The following CBLN2 variants were observed in gnomAD, a reference collection of about 807,000 sequenced individuals.
The protein encoded by CBLN2 is cerebellin-2.
CBLN2 carries 7 observed loss-of-function variants against 15.0 expected under a neutral mutation model. That is an observed-to-expected ratio of 0.47 (90% CI 0.27 to 0.88). The LOEUF (loss-of-function observed/expected upper bound fraction) is 0.88. Among genes scored for constraint, CBLN2 ranks in the 40% least tolerant of loss-of-function variants. CBLN2 has a pLI of 0.14. For missense variants in CBLN2, 242 were observed against 304.5 expected, an observed-to-expected ratio of 0.79 and a Z score of 1.53; for synonymous variants, 149 against 135.2, an observed-to-expected ratio of 1.10 and a Z score of -0.71.
intron 1 of CBLN2, among the ~76,000 whole-genome samples, chr18:72,601,396 G>C (rs2069546834): frequency 2.0e-5 from 3 of 151,920 alleles, no homozygotes; most frequent in Admixed American, 2.0e-4. Context: ...GAAAGGTTGA[G>C]GGTAGAGGGA....
chr18:72,635,327 G>T (rs1331321054), intron 1 of CBLN2, among the ~76,000 whole-genome samples: 1 of 152,080 alleles, frequency 6.6e-6, no homozygotes, highest in Non-Finnish European at 1.5e-5. Flanking sequence ...AGTGATGAAT[G>T]CAAAATGGAA....
chr18:72,584,821 G>A (rs1393517558), intron 1 of CBLN2, among the ~76,000 whole-genome samples: 1 of 152,196 alleles, frequency 6.6e-6, no homozygotes, highest in Non-Finnish European at 1.5e-5. Context: ...ACCTCTGTGG[G>A]CAGTGGCATC....
chr18:72,599,441 A>G (rs2069533745), intron 1 of CBLN2, among the ~76,000 whole-genome samples: 1 of 152,218 alleles, frequency 6.6e-6, no homozygotes, highest in Non-Finnish European at 1.5e-5. Context: ...ACATGAAAAT[A>G]AATGTGTATA....
At position 72,537,744 on chromosome 18, in the gene CBLN2, T is replaced by C. The variant is rs918207159; in HGVS notation, c.*432A>G. On this transcript the variant is annotated 3_prime_UTR_variant, in exon 5 of 5. Coordinates refer to ENST00000269503, the MANE Select transcript of CBLN2 (RefSeq NM_182511.4). The stretch of plus-strand genomic sequence containing the variant: ...CACACAGAACACATGTCAAGGACTG[T>C]CCAGCAGGTGGTTCTTTGCTGGGCT... The C allele has an allele frequency of 1.9e-5, 5 of 261,716 alleles. No homozygotes were observed. Among genetic ancestry groups the C allele is most frequent in the Non-Finnish European group, 3.7e-5 (5 of 134,528 alleles). 16.2% of individuals were successfully genotyped at this position (261,716 alleles called of 1,614,324 possible). A position where few individuals can be genotyped will look rare whatever the true frequency, so the allele number is the denominator to read the frequency against.
intron 1 of CBLN2, among the ~76,000 whole-genome samples, chr18:72,619,892 T>G (rs1319652562): frequency 6.6e-6 from 1 of 152,226 alleles, no homozygotes; most frequent in African/African-American, 2.4e-5. Flanking sequence ...CTAACCCTCA[T>G]GGGAGGCAGC....
chr18:72,572,245 A>G (rs181212957), intron 1 of CBLN2, among the ~76,000 whole-genome samples: 26 of 151,594 alleles, frequency 1.7e-4, no homozygotes, highest in Non-Finnish European at 2.6e-4. Flanking sequence ...AGGATCCATT[A>G]TCTGGCAGAA....
At chr18:72,575,590 A>G (rs1030847812) in intron 1 of CBLN2, among the ~76,000 whole-genome samples, 7 of 152,124 alleles carry the variant, frequency 4.6e-5, no homozygotes, top group Non-Finnish European at 8.8e-5. Flanking sequence ...TGTGGGAGAA[A>G]GAAGAGCCCC....
At chr18:72,569,136 T>C (rs1353021233) in intron 1 of CBLN2, among the ~76,000 whole-genome samples, 2 of 152,170 alleles carry the variant, frequency 1.3e-5, no homozygotes, top group East Asian at 1.9e-4. Context: ...ATCAGGACTT[T>C]TTATCTTTTT....
intron 1 of CBLN2, among the ~76,000 whole-genome samples, chr18:72,604,798 C>G (rs2069572819): frequency 1.3e-5 from 2 of 152,200 alleles, no homozygotes; most frequent in Non-Finnish European, 2.9e-5. Context: ...CAGATGCAGG[C>G]CCTCAACCTT....
At chr18:72,545,964 C>T (rs1009378879), upstream of CBLN2, among the ~76,000 whole-genome samples, 1 of 152,022 alleles carries the variant, frequency 6.6e-6, no homozygotes, top group Non-Finnish European at 1.5e-5. Context: ...GTAGAGACAC[C>T]TTTAATCTAT....
intron 1 of CBLN2, among the ~76,000 whole-genome samples, chr18:72,636,913 T>A (rs1262733303): frequency 6.6e-6 from 1 of 152,110 alleles, no homozygotes; most frequent in Admixed American, 6.6e-5. Context: ...ATTTTCACAT[T>A]TAAATTTCAG....
In CBLN2 at chr18:72,537,852, A is replaced by G; in HGVS notation, c.*324T>C. 1 of 370,234 alleles carries G rather than the reference A, an allele frequency of 2.7e-6. No individual in the cohort carries two copies. Among genetic ancestry groups the G allele is most frequent in the Non-Finnish European group, 5.1e-6 (1 of 197,100 alleles). The allele number at this position is 370,234 out of a possible 1,614,324, so 22.9% of individuals were successfully genotyped here. A position where few individuals can be genotyped will look rare whatever the true frequency, so the allele number is the denominator to read the frequency against. ...CCGTTGGGACGACAATACAACATAC[A>G]AACAAAAGAGGTCCATGGTCCCAAC... On this transcript the variant is annotated 3_prime_UTR_variant, in exon 5 of 5. Transcript: ENST00000269503.
intron 1 of CBLN2, among the ~76,000 whole-genome samples, chr18:72,595,566 G>A (rs1469478746): frequency 6.6e-6 from 1 of 152,050 alleles, no homozygotes; most frequent in Admixed American, 6.6e-5. Context: ...TAAGTCTGAT[G>A]TTTCTTTATT....
intron 1 of CBLN2, among the ~76,000 whole-genome samples, chr18:72,634,164 C>T (rs2069796631): frequency 6.6e-6 from 1 of 151,900 alleles, no homozygotes. Context: ...AAATGTATCC[C>T]TTTGTGATTT....
chr18:72,590,411 A>G (rs1222326421), intron 1 of CBLN2, among the ~76,000 whole-genome samples: 1 of 152,160 alleles, frequency 6.6e-6, no homozygotes, highest in African/African-American at 2.4e-5. Context: ...GCACTATTGC[A>G]CTCCAGCCTG....
At chr18:72,553,974 C>G (rs934507808) in intron 1 of CBLN2, among the ~76,000 whole-genome samples, 1 of 152,128 alleles carries the variant, frequency 6.6e-6, no homozygotes, top group African/African-American at 2.4e-5. Flanking sequence ...TGGGTGCAAT[C>G]TGATTATATT....
At position 72,631,242 on chromosome 18, in the gene CBLN2, A is replaced by G. The variant is rs558908728; in HGVS notation, c.15+7083T>C. 3.5e-4 allele frequency among the ~76,000 whole-genome samples: 53 copies of G among 152,238 alleles called. No individual in the cohort carries two copies. In the Middle Eastern group the frequency reaches 0.01, roughly 29 times the overall value. Reference sequence around the variant, plus strand: ...CCTTCTTATGGGAATATATCAACTCAGGTGCTATTTATGGCAGTTAAGCTC... The same window carrying G: ...CCTTCTTATGGGAATATATCAACTCGGGTGCTATTTATGGCAGTTAAGCTC... On this transcript the variant is annotated intron_variant, in intron 1 of 2. Transcript: ENST00000581073.
At chr18:72,592,219 T>C (rs1481337234) in intron 1 of CBLN2, among the ~76,000 whole-genome samples, 1 of 152,146 alleles carries the variant, frequency 6.6e-6, no homozygotes, top group Non-Finnish European at 1.5e-5. Context: ...GATATCTCAT[T>C]GTAGTTTTTG....
chr18:72,582,760 G>T (rs756793533), intron 1 of CBLN2, among the ~76,000 whole-genome samples: 13 of 152,126 alleles, frequency 8.5e-5, no homozygotes, highest in Non-Finnish European at 1.5e-4. Context: ...CAGTTTCCCT[G>T]GGATTTGTGG....
Sources: gnomAD v4.1 joint callset for allele counts (sites outside exome capture counted in the v4.1 genomes callset) on GRCh38, gnomAD v4.1.1 for gene constraint, MANE v1.5 for transcripts, NCBI Gene and HGNC (gene_info 2026-07-23, HGNC 2026-07-21) for gene names.